Variants in DCBLD2 observed in about 807,000 individuals in gnomAD.
DCBLD2 encodes discoidin, CUB and LCCL domain-containing protein 2.
In DCBLD2, 54 loss-of-function variants were observed where a neutral mutation model predicts 86.8. The observed-to-expected ratio is 0.62, with a 90% confidence interval of 0.50 to 0.78. The LOEUF (loss-of-function observed/expected upper bound fraction) is 0.78, where lower values mean the gene tolerates loss of function less well. Ranked by LOEUF, DCBLD2 falls within the 30% of genes least tolerant of loss-of-function variation. The probability of loss-of-function intolerance (pLI) is 0.00; values close to 1 mark genes in which losing one functional copy is unlikely to be tolerated. For missense variants in DCBLD2, 908 were observed against 954.2 expected, an observed-to-expected ratio of 0.95 and a Z score of 0.64; for synonymous variants, 354 against 341.3, an observed-to-expected ratio of 1.04 and a Z score of -0.41.
chr3:98,882,476 G>T (rs960034259), intron 1 of DCBLD2, among the ~76,000 whole-genome samples: 1 of 151,730 alleles, frequency 6.6e-6, no homozygotes, highest in African/African-American at 2.4e-5. Flanking sequence ...TGCACAATGC[G>T]CAGGTTACAC....
At chr3:98,881,497 A>T in intron 2 of DCBLD2, 43 bp downstream of exon 2, 1 of 1,473,254 alleles carries the variant, frequency 6.8e-7, no homozygotes, top group Non-Finnish European at 9.5e-7. Flanking sequence ...CATCATTGAG[A>T]CAATGATGTA....
intron 9 of DCBLD2, chr3:98,816,395 A>G (rs1362926887): frequency 1.3e-5 from 2 of 152,230 alleles, no homozygotes; most frequent in African/African-American, 4.8e-5. Context: ...AATTCTTAAC[A>G]TTCCAAAAAT....
intron 2 of DCBLD2, among the ~76,000 whole-genome samples, chr3:98,855,026 TATC>T (rs199584055): frequency 0.039 from 5,991 of 152,192 alleles, 344 homozygotes; most frequent in African/African-American, 0.14. Flanking sequence ...AACGTTTATT[TATC>T]ATAAGATACC....
At chr3:98,808,044 G>T in intron 13 of DCBLD2, 37 bp downstream of exon 13, 1 of 1,429,036 alleles carries the variant, frequency 7.0e-7, no homozygotes. Flanking sequence ...TTCACATTTG[G>T]TAGTTTTGGA....
intron 2 of DCBLD2, among the ~76,000 whole-genome samples, chr3:98,875,846 T>C (rs568440280): frequency 6.6e-6 from 1 of 152,178 alleles, no homozygotes; most frequent in East Asian, 1.9e-4. Context: ...AAGTGGTTAG[T>C]CATATGGAAA....
At chr3:98,862,095 C>T (rs1004360695) in intron 2 of DCBLD2, among the ~76,000 whole-genome samples, 2 of 152,084 alleles carry the variant, frequency 1.3e-5, no homozygotes, top group Non-Finnish European at 2.9e-5. Flanking sequence ...CTACAAACAC[C>T]TCTACGCAAA....
chr3:98,796,887 A>C lies in DCBLD2; in HGVS notation c.*2485T>G, dbSNP rs929339394. The stretch of plus-strand genomic sequence containing the variant: ...TAATTGCATTAACAGGAAAAAACTT[A>C]ATCCAATATACCAGTGACTTTGAGT... On this transcript the variant is annotated 3_prime_UTR_variant, in exon 16 of 16. Transcript: ENST00000326840. 2.6e-5 allele frequency: 4 copies of C among 152,720 alleles called. No homozygotes were observed. Among genetic ancestry groups the C allele is most frequent in the African/African-American group, 9.6e-5 (4 of 41,558 alleles). 9.5% of individuals were successfully genotyped at this position (152,720 alleles called of 1,614,324 possible). A position where few individuals can be genotyped will look rare whatever the true frequency, so the allele number is the denominator to read the frequency against.
At chr3:98,844,103 A>T (rs140567522) in intron 3 of DCBLD2, among the ~76,000 whole-genome samples, 94 of 151,600 alleles carry the variant, frequency 6.2e-4, no homozygotes, top group African/African-American at 1.5e-3. Context: ...GTCTTGAAGG[A>T]CTTGAAGCTT....
intron 1 of DCBLD2, among the ~76,000 whole-genome samples, chr3:98,886,958 T>C (rs2107527145): frequency 6.6e-6 from 1 of 152,050 alleles, no homozygotes; most frequent in African/African-American, 2.4e-5. Context: ...TTTGTTTAAG[T>C]ATGTGCTTGT....
intron 3 of DCBLD2, among the ~76,000 whole-genome samples, chr3:98,845,499 CA>C (rs1479208310): frequency 2.6e-5 from 4 of 152,190 alleles, no homozygotes; most frequent in African/African-American, 9.6e-5. Flanking sequence ...CCTCTTAATT[CA>C]ATCATCTCTG....
rs1457628764 is a variant in DCBLD2, at chr3:98,801,662, AG to A, written c.1671-14del. On this transcript the variant is annotated splice_polypyrimidine_tract_variant and intron_variant, in intron 13 of 15. Coordinates refer to ENST00000326840, the MANE Select transcript of DCBLD2 (RefSeq NM_080927.4). ...AGTTTTTTTCTTTCTGGAAAAATAC[AG>A]AAGAGAAGTTAGCAAACAGAGTAAA... 1 of 1,599,658 alleles carries A rather than the reference AG, an allele frequency of 6.3e-7. No homozygotes were observed. The highest frequency in any genetic ancestry group is 8.5e-7 in the Non-Finnish European group (1 of 1,172,052).
intron 2 of DCBLD2, among the ~76,000 whole-genome samples, chr3:98,853,154 T>A (rs9848583): frequency 0.037 from 5,623 of 152,308 alleles, 129 homozygotes; most frequent in Middle Eastern, 0.065. Flanking sequence ...GATAGAGGTA[T>A]GGAGGCGAAG....
At chr3:98,853,432 AC>A (rs1263798968) in intron 2 of DCBLD2, among the ~76,000 whole-genome samples, 1 of 152,098 alleles carries the variant, frequency 6.6e-6, no homozygotes, top group Non-Finnish European at 1.5e-5. Flanking sequence ...CAGCCCTATC[AC>A]TCCACAATGC....
intron 2 of DCBLD2, among the ~76,000 whole-genome samples, chr3:98,862,414 A>C (rs978495706): frequency 6.6e-6 from 1 of 152,140 alleles, no homozygotes. Context: ...GAGACACAAC[A>C]AAAAAAGAGA....
chr3:98,899,540 G>A (rs1468393016), intron 1 of DCBLD2, among the ~76,000 whole-genome samples: 1 of 152,136 alleles, frequency 6.6e-6, no homozygotes, highest in Non-Finnish European at 1.5e-5. Flanking sequence ...GTGAGCCACC[G>A]CGCCCGGTAG....
chr3:98,819,443 G>T, intron 7 of DCBLD2, 26 bp from the exon 8 acceptor site: 1 of 1,612,540 alleles, frequency 6.2e-7, no homozygotes, highest in African/African-American at 1.3e-5. Flanking sequence ...GACTAAATTT[G>T]GTTTCCAGGT....
At chr3:98,838,988 A>G (rs1232212623) in intron 3 of DCBLD2, among the ~76,000 whole-genome samples, 1 of 149,154 alleles carries the variant, frequency 6.7e-6, no homozygotes, top group Non-Finnish European at 1.5e-5. Flanking sequence ...TGGCAGCAGT[A>G]CAGTCCAGCT....
chr3:98,880,576 G>A (rs1170226231), intron 2 of DCBLD2, among the ~76,000 whole-genome samples: 1 of 152,096 alleles, frequency 6.6e-6, no homozygotes, highest in Non-Finnish European at 1.5e-5. Flanking sequence ...ATGGTAACTG[G>A]GTTTATGGTA....
intron 2 of DCBLD2, among the ~76,000 whole-genome samples, chr3:98,861,285 TA>T (rs1333055156): frequency 6.8e-6 from 1 of 148,078 alleles, no homozygotes; most frequent in Non-Finnish European, 1.5e-5. Context: ...GGGAGACTTT[TA>T]ACACCCCACT....
Sources: allele counts gnomAD v4.1 joint callset (sites outside exome capture counted in the v4.1 genomes callset), GRCh38; gene constraint gnomAD v4.1.1; transcripts MANE v1.5; gene names NCBI Gene and HGNC (gene_info 2026-07-23, HGNC 2026-07-21).